The following PAPPA variants were observed in gnomAD, a reference collection of about 807,000 sequenced individuals.
PAPPA encodes the protein pappalysin 1.
In PAPPA, 60 loss-of-function variants were observed where a neutral mutation model predicts 164.0. The observed-to-expected ratio is 0.37, with a 90% CI of 0.30 to 0.45. The LOEUF (loss-of-function observed/expected upper bound fraction) is 0.45. Among genes scored for constraint, PAPPA ranks in the 20% least tolerant of loss-of-function variants. The pLI is 1.00. For missense variants in PAPPA, 1,782 were observed against 2,087.3 expected, an observed-to-expected ratio of 0.85 and a Z score of 2.85; for synonymous variants, 875 against 814.1, an observed-to-expected ratio of 1.07 and a Z score of -1.27.
chr9:116,398,522 A>T lies in PAPPA; in HGVS notation c.*1906A>T. 8.2e-7 allele frequency: 1 copy of T among 1,221,418 alleles called. No homozygotes were observed. The allele number at this position is 1,221,418 out of a possible 1,614,324, so 75.7% of individuals were successfully genotyped here. ...GAGACCAAAAATAACTTTAGGAACC[A>T]CCATATTATATCACTCCCAATAGCA... On this transcript the variant is annotated 3_prime_UTR_variant, in exon 22 of 22. Coordinates refer to ENST00000328252, the MANE Select transcript of PAPPA (RefSeq NM_002581.5).
At chr9:116,278,286 A>ATGG (rs1845225515) in intron 9 of PAPPA, among the ~76,000 whole-genome samples, 2 of 152,316 alleles carry the variant, frequency 1.3e-5, no homozygotes, top group Admixed American at 1.3e-4. Context: ...TGGTCAGAAA[A>ATGG]TTGAGGCGTT....
At chr9:116,273,978 G>A (rs1291913609) in intron 9 of PAPPA, among the ~76,000 whole-genome samples, 2 of 152,028 alleles carry the variant, frequency 1.3e-5, no homozygotes, top group Non-Finnish European at 1.5e-5. Context: ...TTCAAAAGAG[G>A]AAATTGAGGT....
At chr9:116,205,082 T>TC (rs1554737708) in intron 2 of PAPPA, among the ~76,000 whole-genome samples, 96 of 150,068 alleles carry the variant, frequency 6.4e-4, no homozygotes, top group East Asian at 1.2e-3. Flanking sequence ...TTTTTTTTTT[T>TC]CCCCCCTTTG....
intron 9 of PAPPA, among the ~76,000 whole-genome samples, chr9:116,280,139 G>A (rs1587984560): frequency 2.0e-5 from 3 of 152,300 alleles, no homozygotes; most frequent in Admixed American, 1.3e-4. Context: ...GCTGCTGGAT[G>A]ATGTCATTCA....
chr9:116,308,978 CTT>C (rs1435799439), intron 10 of PAPPA, among the ~76,000 whole-genome samples: 2 of 152,140 alleles, frequency 1.3e-5, no homozygotes, highest in African/African-American at 2.4e-5. Context: ...GAAGAAGAAA[CTT>C]TGCTCAATTT....
intron 2 of PAPPA, among the ~76,000 whole-genome samples, chr9:116,191,252 C>G (rs1373974649): frequency 6.6e-6 from 1 of 152,118 alleles, no homozygotes; most frequent in East Asian, 1.9e-4. Flanking sequence ...TCAGAATGGT[C>G]CTTTTTGGGG....
At chr9:116,377,183 C>A (rs1407405015) in intron 19 of PAPPA, among the ~76,000 whole-genome samples, 2 of 151,692 alleles carry the variant, frequency 1.3e-5, no homozygotes, top group Admixed American at 6.6e-5. Flanking sequence ...CACACATACA[C>A]ACACACACAT....
At chr9:116,305,850 G>A (rs1316591822) in intron 10 of PAPPA, among the ~76,000 whole-genome samples, 3 of 152,204 alleles carry the variant, frequency 2.0e-5, no homozygotes, top group African/African-American at 7.2e-5. Context: ...CAGGCAGAAA[G>A]ACTCCTAGAT....
intron 10 of PAPPA, chr9:116,318,562 A>C (rs1188034935): frequency 6.6e-6 from 1 of 152,084 alleles, no homozygotes; most frequent in African/African-American, 2.4e-5. Flanking sequence ...GAATACAAGG[A>C]AGGTTTTGCA....
chr9:116,384,681 G>C (rs1846782546), intron 21 of PAPPA, among the ~76,000 whole-genome samples: 1 of 152,000 alleles, frequency 6.6e-6, no homozygotes, highest in Non-Finnish European at 1.5e-5. Flanking sequence ...TTTCTTTATA[G>C]TTGATTCTTA....
chr9:116,319,957 T>G (rs1845833863), intron 10 of PAPPA, among the ~76,000 whole-genome samples: 1 of 152,186 alleles, frequency 6.6e-6, no homozygotes, highest in Non-Finnish European at 1.5e-5. Flanking sequence ...TAACATAAGC[T>G]TTTCCCTTAG....
Position 116,187,598 on chromosome 9 carries a change from A to T in PAPPA, c.860A>T (p.Gln287Leu). ...ACTGCTCTACCTCAGCTCCTCCTCCAGGAGAACTGGGACAATGTGAAGCAT... is the reference window on the plus strand; with the variant it reads ...ACTGCTCTACCTCAGCTCCTCCTCCTGGAGAACTGGGACAATGTGAAGCAT... ...AHTALPQLLL[Q>L]ENWDNVKHAW... Residue 287 changes from glutamine (Q) to leucine (L), a missense_variant, in exon 2 of 22, where the codon CAG becomes CTG. Gln to Leu is a moderately radical substitution (Grantham distance 113). This residue lies in a region of PAPPA where 458 missense variants were observed against 430.3 expected (regional missense o/e 1.06). Coordinates refer to ENST00000328252, the MANE Select transcript of PAPPA (RefSeq NM_002581.5). This position sits in a 1 kb window ranked among gnomAD's most constrained non-coding sequence, Gnocchi z 4.2. 6.2e-7 allele frequency: 1 copy of T among 1,614,226 alleles called. No homozygotes were observed. Among genetic ancestry groups the T allele is most frequent in the Non-Finnish European group, 8.5e-7 (1 of 1,180,032 alleles).
intron 15 of PAPPA, among the ~76,000 whole-genome samples, chr9:116,350,808 C>T (rs948706469): frequency 3.9e-5 from 6 of 152,298 alleles, no homozygotes; most frequent in South Asian, 2.1e-4. Context: ...GTATTCTGGA[C>T]GCTTCTATGC....
Position 116,211,622 on chromosome 9 carries a change from T to C in PAPPA, c.1625-17T>C, listed in dbSNP as rs1844308054. ...AGAGTACCTAGTTTGCCTGATTCTC[T>C]GGATTTCCCCTTACAGGTGGCATTG... On this transcript the variant is annotated splice_polypyrimidine_tract_variant and intron_variant, in intron 3 of 21. Transcript: ENST00000328252. 3 of 1,609,254 alleles carry C rather than the reference T, an allele frequency of 1.9e-6. No homozygotes were observed. Among genetic ancestry groups the C allele is most frequent in the Non-Finnish European group, 2.6e-6 (3 of 1,175,998 alleles).
At chr9:116,288,417 G>C (rs1845368894) in intron 9 of PAPPA, among the ~76,000 whole-genome samples, 1 of 135,694 alleles carries the variant, frequency 7.4e-6, no homozygotes, top group Non-Finnish European at 1.6e-5. Context: ...ATTTATTTCT[G>C]TCTCCCTCCC....
chr9:116,265,046 C>T (rs940763662), intron 7 of PAPPA, among the ~76,000 whole-genome samples: 3 of 151,992 alleles, frequency 2.0e-5, no homozygotes, highest in African/African-American at 7.3e-5. Context: ...CAGGACATGA[C>T]CCAACTTTGC....
intron 1 of PAPPA, among the ~76,000 whole-genome samples, chr9:116,159,874 A>G (rs1234053450): frequency 2.0e-5 from 3 of 152,226 alleles, no homozygotes; most frequent in Non-Finnish European, 4.4e-5. Context: ...GTGCAACAGG[A>G]AAGTTGAGGA....
At chr9:116,328,580 G>A (rs1463181793) in intron 10 of PAPPA, among the ~76,000 whole-genome samples, 1 of 152,100 alleles carries the variant, frequency 6.6e-6, no homozygotes, top group East Asian at 1.9e-4. Flanking sequence ...CCAGGGTGAG[G>A]GGAACTTTGG....
chr9:116,266,009 G>C, intron 8 of PAPPA, 24 bp downstream of exon 8: 1 of 1,585,066 alleles, frequency 6.3e-7, no homozygotes, highest in East Asian at 2.3e-5. Context: ...ATTAAAGAAA[G>C]AAGAGGAGGG....
Sources: gnomAD v4.1 joint callset for allele counts (sites outside exome capture counted in the v4.1 genomes callset) on GRCh38, gnomAD v4.1.1 for gene constraint, gnomAD v4.1.1 regional missense constraint, Gnocchi (gnomAD v3.1) non-coding constraint, MANE v1.5 for transcripts, NCBI Gene and HGNC (gene_info 2026-07-23, HGNC 2026-07-21) for gene names.